Variants in CFAP20DC observed in about 807,000 individuals in gnomAD.
The protein encoded by CFAP20DC is protein CFAP20DC.
A neutral mutation model predicts 101.7 loss-of-function variants in CFAP20DC; 84 were observed. That is an observed-to-expected ratio of 0.83 (90% CI 0.69 to 0.99). The LOEUF (loss-of-function observed/expected upper bound fraction) is 0.99. CFAP20DC is among the 50% of genes least tolerant of loss of function. The probability of loss-of-function intolerance (pLI) is 0.00; values close to 1 mark genes in which losing one functional copy is unlikely to be tolerated. For synonymous variants in CFAP20DC, 359 were observed against 351.2 expected (o/e 1.02, Z -0.25); for missense variants, 1,007 against 970.3 (o/e 1.04, Z -0.50).
At chr3:58,828,561 A>G (rs1293771699) in intron 14 of CFAP20DC, among the ~76,000 whole-genome samples, 1 of 152,186 alleles carries the variant, frequency 6.6e-6, no homozygotes, top group African/African-American at 2.4e-5. Flanking sequence ...AAAACCAAAT[A>G]CTGCATGTTC....
intron 12 of CFAP20DC, among the ~76,000 whole-genome samples, chr3:58,855,092 C>G (rs2078647053): frequency 6.6e-6 from 1 of 150,538 alleles, no homozygotes; most frequent in Non-Finnish European, 1.5e-5. Context: ...ACTCATCTGA[C>G]AAAGGGCTAA....
intron 14 of CFAP20DC, among the ~76,000 whole-genome samples, chr3:58,813,433 T>A (rs1186315591): frequency 6.6e-6 from 1 of 151,894 alleles, no homozygotes; most frequent in Non-Finnish European, 1.5e-5. Flanking sequence ...CAATTTAGAG[T>A]TTGCTATACA....
chr3:58,910,460 C>T (rs1056495517), intron 6 of CFAP20DC, among the ~76,000 whole-genome samples: 1 of 152,080 alleles, frequency 6.6e-6, no homozygotes, highest in Non-Finnish European at 1.5e-5. Flanking sequence ...TCTAACATTG[C>T]TATTAAGAAG....
At chr3:59,009,854 A>G (rs560665780) in intron 4 of CFAP20DC, among the ~76,000 whole-genome samples, 1 of 152,156 alleles carries the variant, frequency 6.6e-6, no homozygotes, top group Non-Finnish European at 1.5e-5. Context: ...AGGAAAACCT[A>G]TAAAGTTTCT....
chr3:58,728,192 C>T lies in CFAP20DC; in HGVS notation c.198-10564G>A, dbSNP rs2067582909. On this transcript the variant is annotated intron_variant, in intron 3 of 3. Transcript: ENST00000486145. This position sits in a 1 kb window ranked among gnomAD's most constrained non-coding sequence, Gnocchi z 4.7. ...TAAACTGTAAAGACCACTGATTATT[C>T]TGGTAAGTGGGCTAAGTCTATAGTA... The T allele has an allele frequency of 6.6e-6, 1 of 152,168 alleles. No individual in the cohort carries two copies. The allele number at this position is 152,168 out of a possible 1,614,324, so 9.4% of individuals were successfully genotyped here. A position where few individuals can be genotyped will look rare whatever the true frequency, so the allele number is the denominator to read the frequency against.
rs557807744 is a variant in CFAP20DC, at chr3:58,730,869, C to T, written c.198-13241G>A. ...CACAAATTGAAAGGTGAATGACAACCATTTTCTCTGCTAGGGGATGTTGGG... is the reference window on the plus strand; with the variant it reads ...CACAAATTGAAAGGTGAATGACAACTATTTTCTCTGCTAGGGGATGTTGGG... On this transcript the variant is annotated intron_variant, in intron 3 of 3. Coordinates refer to the CFAP20DC transcript ENST00000486145. Among the ~76,000 whole-genome samples the T allele has an allele frequency of 3.1e-4, 47 of 152,104 alleles. 3 individuals carry two copies. In the South Asian group the frequency reaches 9.6e-3, roughly 31 times the overall value.
At chr3:58,957,621 A>G (rs1179257682) in intron 4 of CFAP20DC, among the ~76,000 whole-genome samples, 1 of 152,228 alleles carries the variant, frequency 6.6e-6, no homozygotes, top group Non-Finnish European at 1.5e-5. Flanking sequence ...TCAACAGATT[A>G]ATGGATAAAG....
chr3:58,925,615 A>G (rs1325786772), intron 5 of CFAP20DC, among the ~76,000 whole-genome samples: 1 of 152,256 alleles, frequency 6.6e-6, no homozygotes, highest in Non-Finnish European at 1.5e-5. Context: ...ATAGTAAAGT[A>G]ATAACAACAT....
At chr3:58,962,091 G>C (rs1296687580) in intron 4 of CFAP20DC, among the ~76,000 whole-genome samples, 1 of 152,032 alleles carries the variant, frequency 6.6e-6, no homozygotes, top group African/African-American at 2.4e-5. Flanking sequence ...TAGTTTCTTA[G>C]GGTGGAAACT....
chr3:58,725,677 G>T (rs979424591), intron 3 of CFAP20DC, among the ~76,000 whole-genome samples: 2 of 152,162 alleles, frequency 1.3e-5, no homozygotes, highest in African/African-American at 4.8e-5. Context: ...CTGAGTCATT[G>T]TGTGTGGAGG....
At position 59,007,643 on chromosome 3, in the gene CFAP20DC, G is replaced by C. The variant is rs114508052; in HGVS notation, c.278+31914C>G. ...TGCCGTGCTACCTCCACCAGAGCAG[G>C]TGCTGGTATCATGGCTGGGAGACCT... On this transcript the variant is annotated intron_variant, in intron 4 of 16. Coordinates refer to ENST00000482387, the MANE Select transcript of CFAP20DC (RefSeq NM_001394063.1). This position sits in a 1 kb window ranked among gnomAD's most constrained non-coding sequence, Gnocchi z 4.4. 0.011 allele frequency among the ~76,000 whole-genome samples: 1,711 copies of C among 152,296 alleles called. 38 individuals are homozygous for C. Among genetic ancestry groups the C allele is most frequent in the African/African-American group, 0.039 (1,631 of 41,562 alleles).
rs1244221318 is a variant in CFAP20DC at position 58,722,682 on chromosome 3, T to G, written c.198-5054A>C. Among the ~76,000 whole-genome samples the G allele has an allele frequency of 6.6e-6, 1 of 152,222 alleles. No homozygotes were observed. Among genetic ancestry groups the G allele is most frequent in the African/African-American group, 2.4e-5 (1 of 41,452 alleles). ...CCAGATGTGAAAGTTACACACTGAC[T>G]GTGATTTTCTGCCCGAGTCCTTATT... On this transcript the variant is annotated intron_variant, in intron 3 of 3. Coordinates refer to the CFAP20DC transcript ENST00000486145. The surrounding 1 kb of genome is among the most constrained non-coding windows in gnomAD (Gnocchi z 4.5).
chr3:58,772,062 C>A (rs925885262), intron 15 of CFAP20DC, among the ~76,000 whole-genome samples: 1 of 152,210 alleles, frequency 6.6e-6, no homozygotes, highest in Non-Finnish European at 1.5e-5. Flanking sequence ...CAGAGAAAGT[C>A]TTTCCTCCCC....
intron 5 of CFAP20DC, 129 bp downstream of exon 5, chr3:58,937,519 G>C: frequency 1.6e-6 from 1 of 644,744 alleles, no homozygotes; most frequent in Non-Finnish European, 2.8e-6. Context: ...GGGAAGGAAG[G>C]CCATGAATTT....
At chr3:58,896,988 A>C (rs1034605547) in intron 6 of CFAP20DC, among the ~76,000 whole-genome samples, 2 of 152,154 alleles carry the variant, frequency 1.3e-5, no homozygotes, top group Admixed American at 1.3e-4. Flanking sequence ...GCAGGGTGTT[A>C]AAGTCTCCCA....
intron 14 of CFAP20DC, among the ~76,000 whole-genome samples, chr3:58,809,153 A>C (rs1186309106): frequency 6.6e-6 from 1 of 151,360 alleles, no homozygotes; most frequent in Non-Finnish European, 1.5e-5. Flanking sequence ...TTAGACAGAA[A>C]GTTAACAAGG....
intron 3 of CFAP20DC, among the ~76,000 whole-genome samples, chr3:59,040,336 T>TA (rs982676759): frequency 2.6e-5 from 4 of 152,176 alleles, no homozygotes; most frequent in South Asian, 2.1e-4. Flanking sequence ...TACAACTGCT[T>TA]AAAAAATCAA....
chr3:58,803,339 C>G (rs1304988206), intron 15 of CFAP20DC, among the ~76,000 whole-genome samples: 1 of 152,210 alleles, frequency 6.6e-6, no homozygotes, highest in Non-Finnish European at 1.5e-5. Context: ...AATTTTCAAT[C>G]ACGGGTTCAA....
intron 4 of CFAP20DC, among the ~76,000 whole-genome samples, chr3:58,999,509 T>G (rs1312258800): frequency 6.6e-6 from 1 of 152,104 alleles, no homozygotes; most frequent in Non-Finnish European, 1.5e-5. Flanking sequence ...CAAAGGGGCC[T>G]AAAGACTCAA....
Sources: gnomAD v4.1 joint callset for allele counts (sites outside exome capture counted in the v4.1 genomes callset) on GRCh38, gnomAD v4.1.1 for gene constraint, Gnocchi (gnomAD v3.1) non-coding constraint, MANE v1.5 for transcripts, NCBI Gene and HGNC (gene_info 2026-07-23, HGNC 2026-07-21) for gene names.